Variants in PACS2 observed in about 807,000 individuals in gnomAD.
The protein encoded by PACS2 is PACS1-like protein.
In PACS2, 36 loss-of-function variants were observed where a neutral mutation model predicts 113.0. That is an observed-to-expected ratio of 0.32 (90% confidence interval 0.24 to 0.42). PACS2 has a LOEUF of 0.42. Ranked by LOEUF, PACS2 falls within the 10% of genes least tolerant of loss-of-function variation. PACS2 has a pLI of 1.00. For synonymous variants in PACS2, 589 were observed against 536.1 expected, an observed-to-expected ratio of 1.10 and a Z score of -1.36; for missense variants, 1,015 against 1,239.5, an observed-to-expected ratio of 0.82 and a Z score of 2.72.
rs1469169647 is a variant in PACS2 at position 105,324,050 on chromosome 14, TGCAGGAGATGGAGG to T, written c.119+9019_119+9032del. Among the ~76,000 whole-genome samples, 5 of 152,336 alleles carry T rather than the reference TGCAGGAGATGGAGG, an allele frequency of 3.3e-5. No individual in the cohort carries two copies. In the South Asian group the frequency reaches 8.3e-4, roughly 25 times the overall value. ...GTCTCCTGCTGGGGACTGGCTTTTG[TGCAGGAGATGGAGG>T]GCAGGGGGCTACAGTGCCCTTGGAC... On this transcript the variant is annotated intron_variant, in intron 1 of 24. Transcript: ENST00000447393. This position sits in a 1 kb window ranked among gnomAD's most constrained non-coding sequence, Gnocchi z 4.7.
upstream of PACS2, among the ~76,000 whole-genome samples, chr14:105,312,556 G>A (rs771563499): frequency 2.0e-5 from 3 of 152,226 alleles, no homozygotes; most frequent in Non-Finnish European, 4.4e-5. Context: ...CAAACACGGG[G>A]GTGAGGGCTC....
At chr14:105,310,227 T>C (rs147567357), upstream of PACS2, among the ~76,000 whole-genome samples, 2,175 of 152,028 alleles carry the variant, frequency 0.014, 59 homozygotes, top group African/African-American at 0.05. Context: ...TTTCCTTTGA[T>C]ATTAAGAATG....
In PACS2 at chr14:105,354,329, C is replaced by T. The variant is rs983822212; in HGVS notation, c.298-723C>T. Among the ~76,000 whole-genome samples, 1 of 151,980 alleles carries T rather than the reference C, an allele frequency of 6.6e-6. No individual in the cohort carries two copies. The highest frequency in any genetic ancestry group is 1.5e-5 in the Non-Finnish European group (1 of 67,960). ...GTTGGCTAGGGTGGTCTCGAACTCC[C>T]TACCTCAGGTGATCCGCCCAGCTTG... On this transcript the variant is annotated intron_variant, in intron 3 of 24. Coordinates refer to ENST00000447393, the MANE Select transcript of PACS2 (RefSeq NM_001100913.3). The surrounding 1 kb of genome is among the most constrained non-coding windows in gnomAD (Gnocchi z 4.2).
chr14:105,371,540 T>C (rs1186129546), intron 8 of PACS2: 1 of 152,242 alleles, frequency 6.6e-6, no homozygotes, highest in African/African-American at 2.4e-5. Flanking sequence ...CACAGTACTT[T>C]AATGGAGTGA....
rs587727033 is a variant in PACS2, at chr14:105,370,150, G to A, written c.801+250G>A. 4.2e-5 allele frequency: 19 copies of A among 453,284 alleles called. 1 individual carries two copies. In the Middle Eastern group the frequency reaches 4.6e-3, roughly 109 times the overall value. The allele number at this position is 453,284 out of a possible 1,614,324, so 28.1% of individuals were successfully genotyped here. The stretch of plus-strand genomic sequence containing the variant: ...TGGAAGTCGGAAAGTCATTTTCAGG[G>A]GGATGTAACCATTAGTTTGTGTGTT... On this transcript the variant is annotated intron_variant, in intron 8 of 24. Coordinates refer to ENST00000447393, the MANE Select transcript of PACS2 (RefSeq NM_001100913.3).
At chr14:105,353,662 T>C (rs868964443) in intron 3 of PACS2, among the ~76,000 whole-genome samples, 29 of 152,146 alleles carry the variant, frequency 1.9e-4, no homozygotes, top group Admixed American at 1.3e-3. Context: ...GGTGCAGTCT[T>C]GGCTCACTGC....
At chr14:105,326,542 C>T (rs764032485) in intron 1 of PACS2, among the ~76,000 whole-genome samples, 6 of 152,216 alleles carry the variant, frequency 3.9e-5, no homozygotes, top group Non-Finnish European at 7.4e-5. Context: ...CAGTGCCCGC[C>T]GGTGCCTCTA....
At chr14:105,347,419 T>C (rs1555402918) in intron 1 of PACS2, among the ~76,000 whole-genome samples, 2 of 152,156 alleles carry the variant, frequency 1.3e-5, no homozygotes, top group Non-Finnish European at 2.9e-5. Context: ...TGGCGGCCAC[T>C]GTGGCACTGG....
chr14:105,394,453 G>A (rs961566879), intron 24 of PACS2, 101 bp from the exon 25 acceptor site: 1 of 1,564,968 alleles, frequency 6.4e-7, no homozygotes, highest in Non-Finnish European at 8.6e-7. Flanking sequence ...TTCTCATCCT[G>A]TACGCCCGGC....
At position 105,348,485 on chromosome 14, in the gene PACS2, C is replaced by A; in HGVS notation, c.120-8C>A. Reference sequence around the variant, plus strand: ...AGCCCCGAGGCTGAGCTGTGCCTTGCCTCACAGGTTGTGCAGCCTGACTCT... The same window carrying A: ...AGCCCCGAGGCTGAGCTGTGCCTTGACTCACAGGTTGTGCAGCCTGACTCT... On this transcript the variant is annotated splice_region_variant and splice_polypyrimidine_tract_variant and intron_variant, in intron 1 of 24. Transcript: ENST00000447393. The surrounding 1 kb of genome is among the most constrained non-coding windows in gnomAD (Gnocchi z 6.4). The A allele has an allele frequency of 2.5e-6, 4 of 1,606,916 alleles. No individual in the cohort carries two copies. The highest frequency in any genetic ancestry group is 3.4e-6 in the Non-Finnish European group (4 of 1,175,450).
chr14:105,393,196 C>T (rs781915389), intron 23 of PACS2, 26 bp from the exon 24 acceptor site: 1 of 1,560,794 alleles, frequency 6.4e-7, no homozygotes, highest in Non-Finnish European at 8.8e-7. Flanking sequence ...AGCAAGATGA[C>T]AGCAGGGCCT....
At chr14:105,385,632 T>C (rs1392771121) in intron 18 of PACS2, 53 bp from the exon 19 acceptor site, 1 of 1,376,652 alleles carries the variant, frequency 7.3e-7, no homozygotes, top group South Asian at 1.4e-5. Context: ...CCTGGAGGGG[T>C]CCTGAGGGCG....
At chr14:105,305,321 G>C (rs2058155269) in intron 1 of PACS2, among the ~76,000 whole-genome samples, 1 of 152,138 alleles carries the variant, frequency 6.6e-6, no homozygotes, top group Non-Finnish European at 1.5e-5. Flanking sequence ...AGGATTGCTT[G>C]AGCCCAGAAA....
chr14:105,301,537 G>A (rs188994539), intron 1 of PACS2, among the ~76,000 whole-genome samples: 238 of 152,284 alleles, frequency 1.6e-3, no homozygotes, highest in African/African-American at 5.1e-3. Flanking sequence ...TGCGCTGGGG[G>A]GCCTGGCCGC....
rs1326817030 is a variant in PACS2 at position 105,365,775 on chromosome 14, G to T, written c.424-1438G>T. 6.6e-6 allele frequency among the ~76,000 whole-genome samples: 1 copy of T among 152,130 alleles called. No individual in the cohort carries two copies. Among genetic ancestry groups the T allele is most frequent in the Non-Finnish European group, 1.5e-5 (1 of 68,016 alleles). Reference sequence around the variant, plus strand: ...TCTGAGCTTCCAGGTTCTCACCCCTGTGTGACACTGAGACCCTGCCACATC... The same window carrying T: ...TCTGAGCTTCCAGGTTCTCACCCCTTTGTGACACTGAGACCCTGCCACATC... On this transcript the variant is annotated intron_variant, in intron 4 of 24. Transcript: ENST00000447393. This position sits in a 1 kb window ranked among gnomAD's most constrained non-coding sequence, Gnocchi z 5.1.
chr14:105,349,879 TG>T (rs2060094243), intron 2 of PACS2, among the ~76,000 whole-genome samples: 1 of 140,486 alleles, frequency 7.1e-6, no homozygotes, highest in African/African-American at 2.8e-5. Context: ...CAGGAGAGCG[TG>T]GCTAATAGCA....
At position 105,391,757 on chromosome 14, in the gene PACS2, C is replaced by T. The variant is rs1555414976; in HGVS notation, c.2246C>T (p.Ser749Phe). Residue 749 changes from serine to phenylalanine, a missense_variant, in exon 22 of 25, where the codon TCC becomes TTC. Coordinates refer to ENST00000447393, the MANE Select transcript of PACS2 (RefSeq NM_001100913.3). ...PSSPSVSGGL[S>F]SPSQGVGAEL... ...TCCCCGTCGGTGAGCGGAGGCCTGT[C>T]CTCCCCCAGGTAAAGGTGCCTCACG... 1 of 1,593,506 alleles carries T rather than the reference C, an allele frequency of 6.3e-7. No homozygotes were observed.
intron 2 of PACS2, among the ~76,000 whole-genome samples, chr14:105,349,883 T>G (rs1455857783): frequency 1.4e-5 from 2 of 143,350 alleles, no homozygotes; most frequent in Non-Finnish European, 3.0e-5. Flanking sequence ...AGAGCGTGGC[T>G]AATAGCAGGA....
At position 105,391,674 on chromosome 14, in the gene PACS2, C is replaced by T; in HGVS notation, c.2163C>T (p.Ser721=). The T allele has an allele frequency of 5.6e-6, 9 of 1,609,956 alleles. No homozygotes were observed. Among genetic ancestry groups the T allele is most frequent in the Non-Finnish European group, 7.6e-6 (9 of 1,179,048 alleles). The change falls in exon 22 of 25, where the codon TCC becomes TCT. Residue 721 remains serine (S), a synonymous_variant. Coordinates refer to ENST00000447393, the MANE Select transcript of PACS2 (RefSeq NM_001100913.3). ...CCCCCTCGGGCTCTGGCACGCTCTC[C>T]TCCACCCCGCCGTCCGCATCTCCTG... ...DAAPSGSGTL[S]STPPSASPAA...
Sources: allele counts gnomAD v4.1 joint callset (sites outside exome capture counted in the v4.1 genomes callset), GRCh38; gene constraint gnomAD v4.1.1; non-coding constraint Gnocchi (gnomAD v3.1); transcripts MANE v1.5; gene names NCBI Gene and HGNC (gene_info 2026-07-23, HGNC 2026-07-21).